The following KLF12 variants were observed in gnomAD, a reference collection of about 807,000 sequenced individuals.
KLF12 encodes the protein KLF transcription factor 12.
A neutral mutation model predicts 37.8 loss-of-function variants in KLF12; 9 were observed. The observed-to-expected ratio is 0.24, with a 90% CI of 0.14 to 0.42. The LOEUF is 0.42. Ranked by LOEUF, KLF12 falls within the 10% of genes least tolerant of loss-of-function variation. The pLI is 1.00. For synonymous variants in KLF12, 208 were observed against 202.1 expected, an observed-to-expected ratio of 1.03 and a Z score of -0.25; for missense variants, 411 against 516.0, an observed-to-expected ratio of 0.80 and a Z score of 1.97.
At chr13:73,922,939 A>G (rs1156333040) in intron 3 of KLF12, among the ~76,000 whole-genome samples, 1 of 152,164 alleles carries the variant, frequency 6.6e-6, no homozygotes, top group Non-Finnish European at 1.5e-5. Context: ...CAGGCACAGC[A>G]GCCCTGCCAT....
At chr13:74,041,059 T>C (rs983127420) in intron 1 of KLF12, among the ~76,000 whole-genome samples, 2 of 152,086 alleles carry the variant, frequency 1.3e-5, no homozygotes, top group Non-Finnish European at 2.9e-5. Context: ...AAATAACATC[T>C]CCAAAATTCT....
chr13:74,081,592 CA>C (rs1202384733), intron 1 of KLF12, among the ~76,000 whole-genome samples: 1 of 152,122 alleles, frequency 6.6e-6, no homozygotes, highest in Non-Finnish European at 1.5e-5. Context: ...ATGGATCTGC[CA>C]TGAGCAACGC....
the KLF12 span, among the ~76,000 whole-genome samples, chr13:74,268,886 G>A: frequency 2.0e-5 from 3 of 152,172 alleles, no homozygotes; most frequent in Non-Finnish European, 1.5e-5. Flanking sequence ...ACCATGAGTT[G>A]AGTATACTAA....
chr13:73,991,927 C>T (rs951819202), intron 2 of KLF12, among the ~76,000 whole-genome samples: 2 of 152,210 alleles, frequency 1.3e-5, no homozygotes, highest in African/African-American at 2.4e-5. Context: ...ATGAAATAAA[C>T]CCTTTTTGTG....
intron 2 of KLF12, among the ~76,000 whole-genome samples, chr13:73,951,579 A>G (rs1217077457): frequency 1.3e-5 from 2 of 152,168 alleles, no homozygotes; most frequent in Non-Finnish European, 2.9e-5. Flanking sequence ...GGCTCCTGAT[A>G]TATCAAGAGA....
chr13:73,941,976 A>G (rs906536007), intron 3 of KLF12, among the ~76,000 whole-genome samples: 15 of 152,220 alleles, frequency 9.9e-5, no homozygotes, highest in Admixed American at 9.8e-4. Flanking sequence ...CTATGAACCC[A>G]CAACTTTTCA....
intron 1 of KLF12, among the ~76,000 whole-genome samples, chr13:74,051,331 TACACACACAAAC>T (rs201806703): frequency 0.011 from 960 of 90,390 alleles, 13 homozygotes; most frequent in East Asian, 0.072. Context: ...TGTGTATACA[TACACACACAAAC>T]ACACACACAC....
chr13:74,072,404 T>A (rs1331131004), intron 1 of KLF12, among the ~76,000 whole-genome samples: 3 of 118,038 alleles, frequency 2.5e-5, no homozygotes, highest in African/African-American at 6.1e-5. Flanking sequence ...TATATATATA[T>A]ATAAAAGATT....
Position 73,912,860 on chromosome 13 carries a change from T to C in KLF12, c.123+31121A>G, listed in dbSNP as rs17061669. On this transcript the variant is annotated intron_variant, in intron 3 of 7. Coordinates refer to ENST00000377669, the MANE Select transcript of KLF12 (RefSeq NM_007249.5). ...ATTCCTTCTACAATATTAAGCTCCT[T>C]CTTCTCCCCTCACTCACAGCATGAA... Among the ~76,000 whole-genome samples the C allele has an allele frequency of 7.9e-3, 1,200 of 152,250 alleles. 21 individuals are homozygous for C. The highest frequency in any genetic ancestry group is 0.027 in the African/African-American group (1,118 of 41,550).
chr13:74,055,011 G>T (rs1873165573), intron 1 of KLF12, among the ~76,000 whole-genome samples: 1 of 152,146 alleles, frequency 6.6e-6, no homozygotes, highest in Non-Finnish European at 1.5e-5. Flanking sequence ...AAGAAGGTAA[G>T]AAATTACAAT....
chr13:73,741,114 C>T (rs1222277744), intron 6 of KLF12, among the ~76,000 whole-genome samples: 3 of 152,072 alleles, frequency 2.0e-5, no homozygotes, highest in African/African-American at 2.4e-5. Context: ...CCTCTAAAGA[C>T]GTTTTATTCA....
chr13:73,916,721 A>G (rs1888865890), intron 3 of KLF12, among the ~76,000 whole-genome samples: 1 of 152,160 alleles, frequency 6.6e-6, no homozygotes, highest in South Asian at 2.1e-4. Context: ...ATGATCATTT[A>G]GGTTTGATGT....
chr13:74,042,673 GA>G (rs1199801856), intron 1 of KLF12, among the ~76,000 whole-genome samples: 1 of 152,128 alleles, frequency 6.6e-6, no homozygotes, highest in Non-Finnish European at 1.5e-5. Flanking sequence ...AGACAGATCC[GA>G]TAAGTATGTC....
intron 6 of KLF12, among the ~76,000 whole-genome samples, chr13:73,726,793 GGT>G (rs1876700757): frequency 6.6e-6 from 1 of 152,092 alleles, no homozygotes; most frequent in Non-Finnish European, 1.5e-5. Context: ...CAGATCTCTT[GGT>G]TACATACCTA....
rs3079803 is a variant in KLF12, at chr13:73,867,414, G to GTA, written c.124-21043_124-21042dup. Reference sequence around the variant, plus strand: ...CATACATACATATATACGTGTGTGTGTATATATATATATATACACACATAC... The same window carrying GTA: ...CATACATACATATATACGTGTGTGTGTATATATATATATATATACACACATAC... On this transcript the variant is annotated intron_variant, in intron 3 of 7. Transcript: ENST00000377669. Among the ~76,000 whole-genome samples, 279 of 148,264 alleles carry GTA rather than the reference G, an allele frequency of 1.9e-3. 1 individual carries two copies. Among genetic ancestry groups the GTA allele is most frequent in the African/African-American group, 4.1e-3 (165 of 40,592 alleles).
At chr13:74,139,684 T>C in the KLF12 span, among the ~76,000 whole-genome samples, 1 of 152,146 alleles carries the variant, frequency 6.6e-6, no homozygotes, top group East Asian at 1.9e-4. Context: ...AGCATTCTAC[T>C]GTGTTAGATT....
At chr13:73,986,905 C>T (rs964350988) in intron 2 of KLF12, among the ~76,000 whole-genome samples, 5 of 152,048 alleles carry the variant, frequency 3.3e-5, no homozygotes, top group African/African-American at 1.2e-4. Context: ...GACCATTGGA[C>T]TTCTGACCAC....
At chr13:74,232,837 T>C in the KLF12 span, among the ~76,000 whole-genome samples, 150 of 152,242 alleles carry the variant, frequency 9.9e-4, 1 homozygote, top group African/African-American at 3.3e-3. Context: ...AAGTGATAGG[T>C]ATACAGTGAT....
At chr13:73,924,741 A>G (rs375033810) in intron 3 of KLF12, among the ~76,000 whole-genome samples, 1 of 152,374 alleles carries the variant, frequency 6.6e-6, no homozygotes, top group East Asian at 1.9e-4. Context: ...AAGCCAAAAC[A>G]GGCTGAAACC....
Sources: allele counts gnomAD v4.1 joint callset (sites outside exome capture counted in the v4.1 genomes callset), GRCh38; gene constraint gnomAD v4.1.1; transcripts MANE v1.5; gene names NCBI Gene and HGNC (gene_info 2026-07-23, HGNC 2026-07-21).